The following CSMD1 variants were observed in gnomAD, a reference collection of about 807,000 sequenced individuals.
CSMD1 encodes CUB and Sushi multiple domains 1, also known as CUB and sushi domain-containing protein 1.
CSMD1 carries 213 observed loss-of-function variants against 417.5 expected under a neutral mutation model. The ratio of observed to expected loss-of-function variants is 0.51; its 90% CI spans 0.46 to 0.57. CSMD1 has a LOEUF of 0.57. Ranked by LOEUF, CSMD1 falls within the 20% of genes least tolerant of loss-of-function variation. The probability of loss-of-function intolerance (pLI) is 0.00; values close to 1 mark genes in which losing one functional copy is unlikely to be tolerated. For missense variants in CSMD1, 6,923 were observed against 4,529.7 expected, an observed-to-expected ratio of 1.53 and a Z score of -15.17; for synonymous variants, 2,862 against 1,736.8, an observed-to-expected ratio of 1.65 and a Z score of -16.11.
At chr8:3,327,176 T>C (rs1385933510) in intron 23 of CSMD1, among the ~76,000 whole-genome samples, 4 of 151,824 alleles carry the variant, frequency 2.6e-5, no homozygotes, top group Non-Finnish European at 4.4e-5. Flanking sequence ...AGACTCTCTC[T>C]GTCACCCAGG....
chr8:4,403,802 A>G (rs2128930445), intron 3 of CSMD1, among the ~76,000 whole-genome samples: 1 of 152,246 alleles, frequency 6.6e-6, no homozygotes, highest in South Asian at 2.1e-4. Context: ...ACTTCAGCTT[A>G]CATTTCTAGC....
intron 5 of CSMD1, among the ~76,000 whole-genome samples, chr8:3,848,089 C>CTCTCTCTCTCTA (rs10679534): frequency 4.6e-5 from 7 of 151,740 alleles, no homozygotes; most frequent in African/African-American, 9.7e-5. Flanking sequence ...CTCTCTCTCT[C>CTCTCTCTCTCTA]TAAATATATA....
intron 5 of CSMD1, among the ~76,000 whole-genome samples, chr8:3,767,982 T>C (rs1176555277): frequency 6.6e-6 from 1 of 152,232 alleles, no homozygotes; most frequent in South Asian, 2.1e-4. Flanking sequence ...CTTTTAAATA[T>C]TTCATATGTC....
intron 3 of CSMD1, among the ~76,000 whole-genome samples, chr8:4,276,810 A>C (rs2128856303): frequency 6.6e-6 from 1 of 152,300 alleles, no homozygotes; most frequent in African/African-American, 2.4e-5. Flanking sequence ...GTTTTCCCTG[A>C]GAACTAAATC....
intron 15 of CSMD1, among the ~76,000 whole-genome samples, chr8:3,402,291 C>T (rs1051012703): frequency 8.6e-5 from 13 of 151,942 alleles, no homozygotes; most frequent in Admixed American, 3.3e-4. Context: ...TGCTACTTTA[C>T]GCACATTTTA....
chr8:3,249,032 T>C (rs1800081340), intron 26 of CSMD1, among the ~76,000 whole-genome samples: 1 of 152,168 alleles, frequency 6.6e-6, no homozygotes, highest in Non-Finnish European at 1.5e-5. Context: ...TGCTCGTTGA[T>C]AAACCAAGTA....
intron 3 of CSMD1, among the ~76,000 whole-genome samples, chr8:4,054,162 C>A (rs1469865161): frequency 1.3e-5 from 2 of 152,114 alleles, no homozygotes; most frequent in Non-Finnish European, 2.9e-5. Context: ...CTCCTCATTA[C>A]CACCATCAAG....
chr8:4,129,910 C>T (rs1802993047), intron 3 of CSMD1, among the ~76,000 whole-genome samples: 1 of 152,092 alleles, frequency 6.6e-6, no homozygotes, highest in African/African-American at 2.4e-5. Flanking sequence ...TTTTACTTCT[C>T]AGGTAATTTT....
intron 10 of CSMD1, among the ~76,000 whole-genome samples, chr8:3,506,691 G>T (rs186532980): frequency 6.6e-6 from 1 of 152,154 alleles, no homozygotes; most frequent in African/African-American, 2.4e-5. Context: ...CCGAATTTGG[G>T]GTGTCATGAA....
intron 5 of CSMD1, among the ~76,000 whole-genome samples, chr8:3,862,902 C>A (rs1241312453): frequency 6.6e-6 from 1 of 152,084 alleles, no homozygotes; most frequent in African/African-American, 2.4e-5. Flanking sequence ...ATTCCAGGAC[C>A]TATAGCAAAT....
intron 3 of CSMD1, among the ~76,000 whole-genome samples, chr8:4,343,751 TGC>T (rs1386058770): frequency 6.6e-6 from 1 of 152,052 alleles, no homozygotes; most frequent in Admixed American, 6.6e-5. Flanking sequence ...TCTTGATGTG[TGC>T]ACTGGGGCTC....
intron 5 of CSMD1, among the ~76,000 whole-genome samples, chr8:3,961,549 G>C (rs376456939): frequency 6.6e-6 from 1 of 152,124 alleles, no homozygotes; most frequent in African/African-American, 2.4e-5. Flanking sequence ...ATCTATCCTA[G>C]GCAGAAATTT....
chr8:3,489,736 A>G (rs1818264247), intron 11 of CSMD1, among the ~76,000 whole-genome samples: 1 of 152,164 alleles, frequency 6.6e-6, no homozygotes. Context: ...AGAAATAAGA[A>G]TTTTTAAAAC....
intron 5 of CSMD1, among the ~76,000 whole-genome samples, chr8:3,982,546 G>T (rs182667840): frequency 6.0e-4 from 91 of 151,904 alleles, no homozygotes; most frequent in Non-Finnish European, 1.2e-3. Flanking sequence ...TGTGCACTAG[G>T]ATTATGTGCA....
chr8:4,959,814 C>T (rs948111053), intron 1 of CSMD1, among the ~76,000 whole-genome samples: 1 of 152,164 alleles, frequency 6.6e-6, no homozygotes, highest in Non-Finnish European at 1.5e-5. Context: ...CCCAGATATC[C>T]ACATAGCTAA....
intron 1 of CSMD1, among the ~76,000 whole-genome samples, chr8:4,794,092 G>C (rs1330206773): frequency 6.6e-6 from 1 of 152,118 alleles, no homozygotes; most frequent in African/African-American, 2.4e-5. Flanking sequence ...AAAACTTCTG[G>C]AGATAAGTCA....
At chr8:4,369,008 G>A (rs1266549027) in intron 3 of CSMD1, among the ~76,000 whole-genome samples, 1 of 151,866 alleles carries the variant, frequency 6.6e-6, no homozygotes, top group Non-Finnish European at 1.5e-5. Context: ...GGTTTGCTCT[G>A]GTTTTTCTAG....
intron 1 of CSMD1, among the ~76,000 whole-genome samples, chr8:4,773,390 T>A (rs933240527): frequency 6.6e-6 from 1 of 152,128 alleles, no homozygotes; most frequent in Non-Finnish European, 1.5e-5. Context: ...AAAATCCCAA[T>A]AGCTCCTTGT....
intron 1 of CSMD1, among the ~76,000 whole-genome samples, chr8:4,736,234 A>G (rs745798514): frequency 7.9e-5 from 12 of 152,314 alleles, no homozygotes; most frequent in Middle Eastern, 3.4e-3. Context: ...AAAAATTTAA[A>G]AAGAGACGTA....
Sources: gnomAD v4.1 joint callset for allele counts (sites outside exome capture counted in the v4.1 genomes callset) on GRCh38, gnomAD v4.1.1 for gene constraint, MANE v1.5 for transcripts, NCBI Gene and HGNC (gene_info 2026-07-23, HGNC 2026-07-21) for gene names.